Variants in HDAC1 observed in about 807,000 individuals in gnomAD.
The protein encoded by HDAC1 is histone deacetylase 1, also known as protein deacetylase HDAC1.
A neutral mutation model predicts 65.5 loss-of-function variants in HDAC1; 18 were observed. The observed-to-expected ratio is 0.27, with a 90% CI of 0.19 to 0.41. HDAC1 has a LOEUF of 0.41. Ranked by LOEUF, HDAC1 falls within the 10% of genes least tolerant of loss-of-function variation. The probability of loss-of-function intolerance (pLI) is 1.00; values close to 1 mark genes in which losing one functional copy is unlikely to be tolerated. For synonymous variants in HDAC1, 211 were observed against 227.9 expected (o/e 0.93, Z 0.67); for missense variants, 373 against 625.2 (o/e 0.60, Z 4.30).
At chr1:32,323,069 G>A (rs891741657) in intron 3 of HDAC1, among the ~76,000 whole-genome samples, 5 of 152,148 alleles carry the variant, frequency 3.3e-5, no homozygotes, top group East Asian at 1.9e-4. Context: ...TTGGGAGGCC[G>A]AGGCGGGCGG....
chr1:32,319,847 C>T (rs538371156), intron 3 of HDAC1, among the ~76,000 whole-genome samples: 13 of 152,086 alleles, frequency 8.5e-5, no homozygotes, highest in African/African-American at 2.9e-4. Flanking sequence ...CAGTTCAGGG[C>T]TGCATTGAGG....
intron 2 of HDAC1, among the ~76,000 whole-genome samples, chr1:32,309,081 GGATTATA>G (rs544568811): frequency 7.5e-4 from 114 of 152,272 alleles, no homozygotes; most frequent in African/African-American, 2.6e-3. Flanking sequence ...CAAAGCGTTA[GGATTATA>G]GGCATGAGCC....
At chr1:32,316,877 C>T (rs1641072730) in intron 3 of HDAC1, 95 bp downstream of exon 3, 1 of 769,196 alleles carries the variant, frequency 1.3e-6, no homozygotes, top group South Asian at 1.5e-5. Context: ...ACCTCCCATT[C>T]AGTGGACACC....
At chr1:32,332,392 C>T in intron 12 of HDAC1, 150 bp downstream of exon 12, 1 of 761,466 alleles carries the variant, frequency 1.3e-6, no homozygotes. Context: ...CCAGAAGTGG[C>T]AGAGCCCACA....
intron 2 of HDAC1, among the ~76,000 whole-genome samples, chr1:32,304,771 C>T (rs1409967663): frequency 3.3e-5 from 5 of 152,096 alleles, no homozygotes; most frequent in African/African-American, 1.2e-4. Context: ...CCATTTTGCC[C>T]AGGCTGGTCT....
chr1:32,292,529 A>C, intron 1 of HDAC1: 1 of 689,684 alleles, frequency 1.4e-6, no homozygotes, highest in Non-Finnish European at 1.8e-6. Flanking sequence ...GGGGAGGCTG[A>C]ATCTGATGGA....
At chr1:32,316,368 G>A (rs1570022845) in intron 2 of HDAC1, among the ~76,000 whole-genome samples, 1 of 152,156 alleles carries the variant, frequency 6.6e-6, no homozygotes, top group Non-Finnish European at 1.5e-5. Flanking sequence ...CAACTTCCCT[G>A]TGTGGTCTAT....
chr1:32,301,615 C>T (rs1176516126), intron 1 of HDAC1, among the ~76,000 whole-genome samples: 1 of 151,422 alleles, frequency 6.6e-6, no homozygotes, highest in African/African-American at 2.4e-5. Flanking sequence ...ACTAAAAATA[C>T]AAAAATTAGC....
intron 6 of HDAC1, among the ~76,000 whole-genome samples, chr1:32,328,797 G>A (rs1641252929): frequency 6.6e-6 from 1 of 152,174 alleles, no homozygotes. Flanking sequence ...TAGAAATCTT[G>A]TGCTATAGGG....
In HDAC1 at chr1:32,331,571, G is replaced by A. The variant is rs2148073047; in HGVS notation, c.1077G>A (p.Leu359=). The change falls in exon 10 of 14, where the codon CTG becomes CTA. Residue 359 remains leucine, a synonymous_variant. Coordinates refer to ENST00000373548, the MANE Select transcript of HDAC1 (RefSeq NM_004964.3). The surrounding 1 kb of genome is among the most constrained non-coding windows in gnomAD (Gnocchi z 4.2). ...CTAACCAGAACACGAATGAGTACCT[G>A]GAGAAGATCAAGTGAGTATATCCTC... The part of the protein sequence containing the change: ...NMTNQNTNEY[L]EKIKQRLFEN... 6.2e-7 allele frequency: 1 copy of A among 1,610,492 alleles called. No homozygotes were observed. The highest frequency in any genetic ancestry group is 8.5e-7 in the Non-Finnish European group (1 of 1,176,730).
At chr1:32,292,704 G>A (rs1469924360) in intron 1 of HDAC1, among the ~76,000 whole-genome samples, 1 of 152,074 alleles carries the variant, frequency 6.6e-6, no homozygotes, top group African/African-American at 2.4e-5. Context: ...TGGGGCGCCA[G>A]GGGTTGCAAG....
chr1:32,332,257 A>G lies in HDAC1; in HGVS notation c.1372+15A>G. The G allele has an allele frequency of 6.2e-7, 1 of 1,605,084 alleles. No individual in the cohort carries two copies. The highest frequency in any genetic ancestry group is 8.5e-7 in the Non-Finnish European group (1 of 1,175,662). On this transcript the variant is annotated intron_variant, in intron 12 of 13. Coordinates refer to ENST00000373548, the MANE Select transcript of HDAC1 (RefSeq NM_004964.3). ...GGAGAAGAAAGGTGGGTTTGGGTTCAGCTGGGACTTGGGTCTCGAGCCTGA... is the reference window on the plus strand; with the variant it reads ...GGAGAAGAAAGGTGGGTTTGGGTTCGGCTGGGACTTGGGTCTCGAGCCTGA...
At chr1:32,301,423 G>A (rs1012440157) in intron 1 of HDAC1, among the ~76,000 whole-genome samples, 14 of 151,096 alleles carry the variant, frequency 9.3e-5, no homozygotes, top group African/African-American at 3.2e-4. Context: ...TCCAGCCTGG[G>A]CAACACAGCG....
rs558433599 is a variant in HDAC1 at position 32,331,104 on chromosome 1, C to T, written c.979+196C>T. The stretch of plus-strand genomic sequence containing the variant: ...CCCTAGTCCTTTTTAGCTCTCTCCC[C>T]TCTCCCTCCTGCTTTTGGTCTGGAC... On this transcript the variant is annotated intron_variant, in intron 9 of 13. Coordinates refer to ENST00000373548, the MANE Select transcript of HDAC1 (RefSeq NM_004964.3). This position sits in a 1 kb window ranked among gnomAD's most constrained non-coding sequence, Gnocchi z 4.2. Among the ~76,000 whole-genome samples, 1 of 152,324 alleles carries T rather than the reference C, an allele frequency of 6.6e-6. No homozygotes were observed. Among genetic ancestry groups the T allele is most frequent in the Admixed American group, 6.5e-5 (1 of 15,306 alleles).
chr1:32,329,601 G>T lies in HDAC1; in HGVS notation c.729+441G>T, dbSNP rs1311312211. The T allele has an allele frequency of 5.4e-6, 1 of 185,154 alleles. No homozygotes were observed. The highest frequency in any genetic ancestry group is 2.3e-5 in the African/African-American group (1 of 42,836). The allele number at this position is 185,154 out of a possible 1,614,324, so 11.5% of individuals were successfully genotyped here. A position where few individuals can be genotyped will look rare whatever the true frequency, so the allele number is the denominator to read the frequency against. On this transcript the variant is annotated intron_variant, in intron 7 of 13. Coordinates refer to ENST00000373548, the MANE Select transcript of HDAC1 (RefSeq NM_004964.3). The surrounding 1 kb of genome is among the most constrained non-coding windows in gnomAD (Gnocchi z 4.1). The stretch of plus-strand genomic sequence containing the variant: ...GAAGTAGGGACTTACTCCAGTCTTT[G>T]CAGACTGGCTTTGTCTGGGAAAGCC...
chr1:32,296,971 AGAG>A (rs1255685127), intron 1 of HDAC1, among the ~76,000 whole-genome samples: 1 of 152,116 alleles, frequency 6.6e-6, no homozygotes, highest in Admixed American at 6.6e-5. Flanking sequence ...GTAAGTTTGA[AGAG>A]GAGAAGATAA....
intron 4 of HDAC1, 78 bp downstream of exon 4, chr1:32,324,631 T>C (rs1641192392): frequency 1.1e-5 from 10 of 940,546 alleles, no homozygotes; most frequent in Non-Finnish European, 1.8e-5. Flanking sequence ...GCTATCCTAG[T>C]TGGCTGATCT....
Position 32,331,805 on chromosome 1 carries a change from G to T in HDAC1, c.1218G>T (p.Ser406=). Residue 406 remains serine, a splice_region_variant and synonymous_variant, in exon 11 of 14, where the codon TCG becomes TCT. Coordinates refer to ENST00000373548, the MANE Select transcript of HDAC1 (RefSeq NM_004964.3). The surrounding 1 kb of genome is among the most constrained non-coding windows in gnomAD (Gnocchi z 4.2). ...EDEDDPDKRI[S]ICSSDKRIAC... ...AAGACGACCCTGACAAGCGCATCTC[G>T]AGTGAGACCCAGACCTAGAGCCCTA... 2 of 1,609,026 alleles carry T rather than the reference G, an allele frequency of 1.2e-6. No homozygotes were observed. Among genetic ancestry groups the T allele is most frequent in the East Asian group, 2.2e-5 (1 of 44,818 alleles).
intron 1 of HDAC1, among the ~76,000 whole-genome samples, chr1:32,301,182 C>T (rs1482442011): frequency 6.6e-6 from 1 of 152,108 alleles, no homozygotes; most frequent in Non-Finnish European, 1.5e-5. Context: ...CGCGGTGGCT[C>T]ATGCCTGTAA....
Sources: gnomAD v4.1 joint callset for allele counts (sites outside exome capture counted in the v4.1 genomes callset) on GRCh38, gnomAD v4.1.1 for gene constraint, Gnocchi (gnomAD v3.1) non-coding constraint, MANE v1.5 for transcripts, NCBI Gene and HGNC (gene_info 2026-07-23, HGNC 2026-07-21) for gene names.